ZNF462: variants seen among roughly 807,000 people sequenced by gnomAD.
The protein encoded by ZNF462 is zinc finger PBX1-interacting protein.
ZNF462 carries 10 observed loss-of-function variants against 201.9 expected under a neutral mutation model. That is an observed-to-expected ratio of 0.05 (90% confidence interval 0.03 to 0.08). The LOEUF is 0.08. Among genes scored for constraint, ZNF462 ranks in the 10% least tolerant of loss-of-function variants. The pLI is 1.00. For missense variants in ZNF462, 2,523 were observed against 3,168.3 expected, an observed-to-expected ratio of 0.80 and a Z score of 4.89; for synonymous variants, 1,227 against 1,193.3, an observed-to-expected ratio of 1.03 and a Z score of -0.58.
At position 107,003,975 on chromosome 9, in the gene ZNF462, A is replaced by G. The variant is rs1310752416; in HGVS notation, c.7189+549A>G. 6.6e-6 allele frequency among the ~76,000 whole-genome samples: 1 copy of G among 152,134 alleles called. No homozygotes were observed. The highest frequency in any genetic ancestry group is 6.5e-5 in the Admixed American group (1 of 15,270). Reference sequence around the variant, plus strand: ...GAGAGACCACCTCTTTCATTCAACTATGTATTTACAGAATACACTGGGGAA... The same window carrying G: ...GAGAGACCACCTCTTTCATTCAACTGTGTATTTACAGAATACACTGGGGAA... On this transcript the variant is annotated intron_variant, in intron 11 of 12. Transcript: ENST00000277225. This position sits in a 1 kb window ranked among gnomAD's most constrained non-coding sequence, Gnocchi z 4.4.
In ZNF462 at chr9:106,974,266, G is replaced by A. The variant is rs747515781; in HGVS notation, c.6825G>A (p.Leu2275=). 6.2e-7 allele frequency: 1 copy of A among 1,614,164 alleles called. No homozygotes were observed. Among genetic ancestry groups the A allele is most frequent in the Non-Finnish European group, 8.5e-7 (1 of 1,180,028 alleles). The change falls in exon 9 of 13, where the codon CTG becomes CTA. Residue 2275 remains leucine (L), a synonymous_variant. Transcript: ENST00000277225. The surrounding 1 kb of genome is among the most constrained non-coding windows in gnomAD (Gnocchi z 4.0). ...YKRNMIDHIV[L]HREERVVPIE... is the part of the protein sequence containing the mutation. ...GCAACATGATTGACCACATCGTGCT[G>A]CACCGAGGTAACCTTTCTAACTTGG...
In ZNF462 at chr9:107,003,518, A is replaced by G; in HGVS notation, c.7189+92A>G. 15 of 1,495,952 alleles carry G rather than the reference A, an allele frequency of 1.0e-5. No individual in the cohort carries two copies. The highest frequency in any genetic ancestry group is 1.3e-5 in the Non-Finnish European group (15 of 1,113,018). 92.7% of individuals were successfully genotyped at this position (1,495,952 alleles called of 1,614,324 possible). On this transcript the variant is annotated intron_variant, in intron 11 of 12. Transcript: ENST00000277225. This position sits in a 1 kb window ranked among gnomAD's most constrained non-coding sequence, Gnocchi z 4.4. ...GGCAGGAGGTTGTTGTAGGAGTAAC[A>G]GAAGGAATGATCCTTCTTAGTTAAG...
intron 1 of ZNF462, among the ~76,000 whole-genome samples, chr9:106,916,571 G>T (rs534426255): frequency 4.3e-4 from 65 of 152,208 alleles, no homozygotes; most frequent in Non-Finnish European, 6.6e-4. Context: ...TTTAGCTCTG[G>T]GGGGGGAGAA....
rs114001749 is a variant in ZNF462 at position 106,987,179 on chromosome 9, A to C, written c.7056+2770A>C. Among the ~76,000 whole-genome samples the C allele has an allele frequency of 6.6e-3, 1,012 of 152,312 alleles. 8 individuals carry two copies. Among genetic ancestry groups the C allele is most frequent in the African/African-American group, 0.023 (966 of 41,580 alleles). ...TGACTTTTCCTCTGGGTAGATACCC[A>C]GTAGTGGAATTGGTGGATCAAATGG... is the stretch of plus-strand genomic sequence containing the variant. On this transcript the variant is annotated intron_variant, in intron 10 of 12. Transcript: ENST00000277225.
At chr9:106,908,923 ATATATATATATATATATATTTTTTTT>A (rs1829397659) in intron 1 of ZNF462, among the ~76,000 whole-genome samples, 1 of 24,486 alleles carries the variant, frequency 4.1e-5, no homozygotes, top group African/African-American at 2.9e-4. Context: ...ATATATATAT[ATATATATATATATATATATTTTTTTT>A]TTTTTTTTTT....
In ZNF462 at chr9:106,968,208, G is replaced by A. The variant is rs1336031037; in HGVS notation, c.6428-3797G>A. ...TACCTCTGCTTCTTCGTGTCTATGT[G>A]ACCCGTCATCCTCAGCTTCAGCTAC... On this transcript the variant is annotated intron_variant, in intron 7 of 12. Coordinates refer to ENST00000277225, the MANE Select transcript of ZNF462 (RefSeq NM_021224.6). The surrounding 1 kb of genome is among the most constrained non-coding windows in gnomAD (Gnocchi z 4.0). Among the ~76,000 whole-genome samples the A allele has an allele frequency of 6.6e-6, 1 of 152,074 alleles. No homozygotes were observed. The highest frequency in any genetic ancestry group is 1.5e-5 in the Non-Finnish European group (1 of 68,004).
rs1189779955 is a variant in ZNF462 at position 106,924,416 on chromosome 9, A to G, written c.504A>G (p.Thr168=). The G allele has an allele frequency of 3.1e-6, 5 of 1,614,096 alleles. No individual in the cohort carries two copies. The highest frequency in any genetic ancestry group is 1.1e-5 in the South Asian group (1 of 91,082). Residue 168 remains threonine (T), a synonymous_variant, in exon 3 of 13, where the codon ACA becomes ACG. Coordinates refer to ENST00000277225, the MANE Select transcript of ZNF462 (RefSeq NM_021224.6). This position sits in a 1 kb window ranked among gnomAD's most constrained non-coding sequence, Gnocchi z 6.2. The part of the protein sequence containing the change: ...FGKVFSCQFC[T]YKSPRRARII... The stretch of plus-strand genomic sequence containing the variant: ...AGGTCTTCTCTTGCCAGTTTTGCAC[A>G]TACAAGTCACCAAGAAGGGCAAGAA...
rs1382141212 is a variant in ZNF462 at position 107,003,262 on chromosome 9, A to G, written c.7057-32A>G. Reference sequence around the variant, plus strand: ...GAGAACCCCATTTGGTCTGCGGTTTATTATTCCATCATTTGTTTGGGCCTT... The same window carrying G: ...GAGAACCCCATTTGGTCTGCGGTTTGTTATTCCATCATTTGTTTGGGCCTT... On this transcript the variant is annotated intron_variant, in intron 10 of 12. Coordinates refer to ENST00000277225, the MANE Select transcript of ZNF462 (RefSeq NM_021224.6). The surrounding 1 kb of genome is among the most constrained non-coding windows in gnomAD (Gnocchi z 4.4). 1 of 1,612,232 alleles carries G rather than the reference A, an allele frequency of 6.2e-7. No homozygotes were observed. Among genetic ancestry groups the G allele is most frequent in the Non-Finnish European group, 8.5e-7 (1 of 1,179,122 alleles).
At chr9:106,860,998 T>C (rs990345217), upstream of ZNF462, among the ~76,000 whole-genome samples, 1 of 152,106 alleles carries the variant, frequency 6.6e-6, no homozygotes, top group East Asian at 1.9e-4. The surrounding 1 kb of genome is among the most constrained non-coding windows in gnomAD (Gnocchi z 7.1). Flanking sequence ...TTTCTGCGCC[T>C]TGTTCTCGTC....
chr9:106,922,886 C>G (rs1830043576), intron 1 of ZNF462, among the ~76,000 whole-genome samples: 1 of 152,114 alleles, frequency 6.6e-6, no homozygotes, highest in Admixed American at 6.5e-5. Context: ...GATAAAACAC[C>G]AAGGTCATAA....
intron 1 of ZNF462, among the ~76,000 whole-genome samples, chr9:106,893,410 A>G (rs1475456109): frequency 6.6e-6 from 1 of 152,222 alleles, no homozygotes; most frequent in East Asian, 1.9e-4. Context: ...CATCCTTTTC[A>G]TAGAGTAGTC....
rs1827153148 is a variant in ZNF462, at chr9:106,978,125, C to T, written c.6832+3852C>T. The stretch of plus-strand genomic sequence containing the variant: ...AGAACACTAGTCATTGGGTTTAGGG[C>T]ACACCCTAATCTAGTCTGGCCTTAA... On this transcript the variant is annotated intron_variant, in intron 9 of 12. Transcript: ENST00000277225. This position sits in a 1 kb window ranked among gnomAD's most constrained non-coding sequence, Gnocchi z 4.1. Among the ~76,000 whole-genome samples the T allele has an allele frequency of 6.6e-6, 1 of 151,490 alleles. No homozygotes were observed. Among genetic ancestry groups the T allele is most frequent in the South Asian group, 2.1e-4 (1 of 4,818 alleles).
Position 107,008,054 on chromosome 9 carries a change from C to T in ZNF462, c.7190-1491C>T, listed in dbSNP as rs1829687398. 6.6e-6 allele frequency among the ~76,000 whole-genome samples: 1 copy of T among 152,004 alleles called. No individual in the cohort carries two copies. Among genetic ancestry groups the T allele is most frequent in the Non-Finnish European group, 1.5e-5 (1 of 67,972 alleles). ...AATATGGACACGCTGCAGGTCCTGC[C>T]TAGGAAGCTCAGGGAAGATTTGAAA... On this transcript the variant is annotated intron_variant, in intron 11 of 12. Coordinates refer to ENST00000277225, the MANE Select transcript of ZNF462 (RefSeq NM_021224.6). The surrounding 1 kb of genome is among the most constrained non-coding windows in gnomAD (Gnocchi z 4.8).
In ZNF462 at chr9:106,950,721, A is replaced by G. The variant is rs1207553252; in HGVS notation, c.6427+11614A>G. On this transcript the variant is annotated intron_variant, in intron 7 of 12. Coordinates refer to ENST00000277225, the MANE Select transcript of ZNF462 (RefSeq NM_021224.6). The surrounding 1 kb of genome is among the most constrained non-coding windows in gnomAD (Gnocchi z 4.1). ...ATAAAATAAGATCATTTTTGCTAAT[A>G]TGGTTACAGTATACTGTTGCATCTT... is the stretch of plus-strand genomic sequence containing the variant. Among the ~76,000 whole-genome samples, 1 of 152,196 alleles carries G rather than the reference A, an allele frequency of 6.6e-6. No homozygotes were observed. The highest frequency in any genetic ancestry group is 1.5e-5 in the Non-Finnish European group (1 of 68,028).
At chr9:106,861,293 G>T (rs144291535), upstream of ZNF462, among the ~76,000 whole-genome samples, 89 of 152,150 alleles carry the variant, frequency 5.8e-4, no homozygotes, top group African/African-American at 2.0e-3. Flanking sequence ...CCCGCTATCG[G>T]ATGGGAACCA....
In ZNF462 at chr9:106,932,738, C is replaced by T. The variant is rs1588079530; in HGVS notation, c.6116+189C>T. ...TGAGAACAGGAGATTGATCGGATGG[C>T]GTTAGATTTGGCAAATGCAGGCATT... is the stretch of plus-strand genomic sequence containing the variant. On this transcript the variant is annotated intron_variant, in intron 5 of 12. Transcript: ENST00000277225. The surrounding 1 kb of genome is among the most constrained non-coding windows in gnomAD (Gnocchi z 6.8). 7.1e-6 allele frequency: 5 copies of T among 708,246 alleles called. No individual in the cohort carries two copies. Among genetic ancestry groups the T allele is most frequent in the East Asian group, 2.7e-5 (1 of 36,744 alleles). The allele number at this position is 708,246 out of a possible 1,614,324, so 43.9% of individuals were successfully genotyped here. A position where few individuals can be genotyped will look rare whatever the true frequency, so the allele number is the denominator to read the frequency against.
At position 106,923,505 on chromosome 9, in the gene ZNF462, T is replaced by C. The variant is rs1830066702; in HGVS notation, c.122T>C (p.Val41Ala). The change falls in exon 2 of 13, where the codon GTG becomes GCG. Residue 41 changes from valine (V) to alanine (A), a missense_variant. Physicochemically the swap from Val to Ala is moderately conservative, Grantham distance 64. This residue lies in a region of ZNF462 where 480 missense variants were observed against 544.4 expected (regional missense o/e 0.88). Transcript: ENST00000277225. The surrounding 1 kb of genome is among the most constrained non-coding windows in gnomAD (Gnocchi z 5.6). ...LQPTDVAEDN[V>A]NELRCGSVNA... is the part of the protein sequence containing the mutation. ...CCAACTGATGTTGCTGAGGACAATG[T>C]GAATGAGCTACGATGTGGGTCCGTG... 1 of 1,614,098 alleles carries C rather than the reference T, an allele frequency of 6.2e-7. No homozygotes were observed. Among genetic ancestry groups the C allele is most frequent in the African/African-American group, 1.3e-5 (1 of 74,932 alleles).
Position 106,925,559 on chromosome 9 carries a change from G to A in ZNF462, c.1647G>A (p.Pro549=), listed in dbSNP as rs201035963. ...QQQPPQPPPP[P]PPPPPSQPQP... ...AGCCACCGCAGCCACCACCACCGCC[G>A]CCGCCACCACCACCATCACAGCCAC... Residue 549 remains proline, a synonymous_variant, in exon 3 of 13, where the codon CCG becomes CCA. Transcript: ENST00000277225. The surrounding 1 kb of genome is among the most constrained non-coding windows in gnomAD (Gnocchi z 7.9). 4.7e-5 allele frequency: 75 copies of A among 1,610,338 alleles called. 1 individual carries two copies. In the Middle Eastern group the frequency reaches 5.0e-4, roughly 11 times the overall value.
chr9:106,864,084 C>CTG (rs1827199810), intron 1 of ZNF462, among the ~76,000 whole-genome samples: 1 of 138,538 alleles, frequency 7.2e-6, no homozygotes, highest in African/African-American at 2.7e-5. Context: ...CTCTCTCTCT[C>CTG]TCTCTCTCTC....
Sources: gnomAD v4.1 joint callset for allele counts (sites outside exome capture counted in the v4.1 genomes callset) on GRCh38, gnomAD v4.1.1 for gene constraint, gnomAD v4.1.1 regional missense constraint, Gnocchi (gnomAD v3.1) non-coding constraint, MANE v1.5 for transcripts, NCBI Gene and HGNC (gene_info 2026-07-23, HGNC 2026-07-21) for gene names.